The following UTRN variants were observed in gnomAD, a reference collection of about 807,000 sequenced individuals.
The protein encoded by UTRN is dystrophin-related protein 1.
Under a neutral mutation model 463.9 loss-of-function variants are expected in UTRN, and 283 were observed. That is an observed-to-expected ratio of 0.61 (90% CI 0.55 to 0.67). The LOEUF is 0.67. Ranked by LOEUF, UTRN falls within the 30% of genes least tolerant of loss-of-function variation. The pLI is 0.00. For synonymous variants in UTRN, 1,442 were observed against 1,431.5 expected, an observed-to-expected ratio of 1.01 and a Z score of -0.17; for missense variants, 3,922 against 4,084.3, an observed-to-expected ratio of 0.96 and a Z score of 1.08.
At chr6:144,444,763 A>T (rs1398589298) in intron 14 of UTRN, among the ~76,000 whole-genome samples, 3 of 152,238 alleles carry the variant, frequency 2.0e-5, no homozygotes, top group Non-Finnish European at 4.4e-5. Flanking sequence ...TCCACTCAAC[A>T]CACTGTGAAC....
At chr6:144,552,841 G>T (rs1221884122) in intron 48 of UTRN, among the ~76,000 whole-genome samples, 2 of 152,154 alleles carry the variant, frequency 1.3e-5, no homozygotes, top group African/African-American at 2.4e-5. Context: ...ATTAGTAATA[G>T]AATTGGTCAT....
intron 2 of UTRN, among the ~76,000 whole-genome samples, chr6:144,316,158 T>G (rs1456445189): frequency 6.6e-6 from 1 of 152,140 alleles, no homozygotes; most frequent in Non-Finnish European, 1.5e-5. Context: ...GAGACTAGGC[T>G]GGGAAACACA....
At chr6:144,406,573 G>A (rs982902261) in intron 3 of UTRN, among the ~76,000 whole-genome samples, 29 of 152,090 alleles carry the variant, frequency 1.9e-4, no homozygotes, top group African/African-American at 6.7e-4. Flanking sequence ...CACCATGTTG[G>A]CTAGGCTGGT....
At chr6:144,407,345 A>G (rs1397915884) in intron 3 of UTRN, among the ~76,000 whole-genome samples, 1 of 152,186 alleles carries the variant, frequency 6.6e-6, no homozygotes, top group Admixed American at 6.5e-5. Flanking sequence ...GGATGGTTGC[A>G]TTGGAGAGAC....
chr6:144,832,076 T>G (rs1185285574), intron 69 of UTRN, among the ~76,000 whole-genome samples: 2 of 152,224 alleles, frequency 1.3e-5, no homozygotes, highest in African/African-American at 2.4e-5. Context: ...GGTGCAAACC[T>G]ATTATTTTTG....
Position 144,748,255 on chromosome 6 carries a change from C to T in UTRN, c.7949C>T (p.Pro2650Leu), listed in dbSNP as rs1175572559. The change falls in exon 55 of 75, where the codon CCT (proline) becomes CTT (leucine). Residue 2650 changes from proline (P) to leucine (L), a missense_variant. Physicochemically the swap from Pro to Leu is moderately conservative, Grantham distance 98. Around this residue, in one of 3 missense-constraint regions of UTRN, gnomAD observed 1,309 missense variants for 1,452.6 expected, o/e 0.90. Coordinates refer to ENST00000367545, the MANE Select transcript of UTRN (RefSeq NM_007124.3). ...RNLQSKTELTPEERAQKIAKA... is the reference protein window; with the variant it reads ...RNLQSKTELTLEERAQKIAKA... The stretch of plus-strand genomic sequence containing the variant: ...TTTTTTTTAATCACAGAATTAACTC[C>T]TGAGGAGAGAGCCCAAAAGATTGCC... The T allele has an allele frequency of 6.2e-7, 1 of 1,610,362 alleles. No homozygotes were observed. The highest frequency in any genetic ancestry group is 8.5e-7 in the Non-Finnish European group (1 of 1,179,516).
chr6:144,528,555 A>C (rs1308799287), intron 41 of UTRN, among the ~76,000 whole-genome samples: 1 of 152,068 alleles, frequency 6.6e-6, no homozygotes, highest in Non-Finnish European at 1.5e-5. Flanking sequence ...TGCAGTGATT[A>C]TTATTTATCT....
intron 46 of UTRN, among the ~76,000 whole-genome samples, chr6:144,546,587 G>A (rs1387464636): frequency 2.6e-5 from 4 of 152,104 alleles, no homozygotes; most frequent in East Asian, 1.9e-4. Context: ...GATCACTTGA[G>A]CCCAGGAGTT....
intron 3 of UTRN, among the ~76,000 whole-genome samples, chr6:144,414,058 C>T (rs558030600): frequency 6.6e-6 from 1 of 152,114 alleles, no homozygotes; most frequent in African/African-American, 2.4e-5. Flanking sequence ...GCCTTGGCCT[C>T]CCAAAGTGCT....
At chr6:144,310,884 G>A (rs1806205093) in intron 2 of UTRN, among the ~76,000 whole-genome samples, 1 of 152,232 alleles carries the variant, frequency 6.6e-6, no homozygotes, top group Admixed American at 6.5e-5. Flanking sequence ...CTGCATGTCA[G>A]CCTTTGACTG....
chr6:144,318,132 T>C (rs1165370992), intron 2 of UTRN, among the ~76,000 whole-genome samples: 1 of 152,212 alleles, frequency 6.6e-6, no homozygotes, highest in Non-Finnish European at 1.5e-5. Context: ...ACAATAATAC[T>C]GTTAACGATG....
chr6:144,505,447 GT>G (rs1794614656), intron 34 of UTRN, among the ~76,000 whole-genome samples: 1 of 152,136 alleles, frequency 6.6e-6, no homozygotes, highest in African/African-American at 2.4e-5. Flanking sequence ...ATTCTGTTAT[GT>G]TTTGTCTTTG....
intron 2 of UTRN, among the ~76,000 whole-genome samples, chr6:144,382,325 T>G (rs1385552221): frequency 6.6e-6 from 1 of 152,216 alleles, no homozygotes; most frequent in Non-Finnish European, 1.5e-5. Flanking sequence ...GGTAAAGTTT[T>G]TATTATCTTG....
At chr6:144,646,443 A>G (rs1353374114) in intron 51 of UTRN, among the ~76,000 whole-genome samples, 1 of 152,180 alleles carries the variant, frequency 6.6e-6, no homozygotes, top group Non-Finnish European at 1.5e-5. Flanking sequence ...ACAGACAAGC[A>G]ACTAATTAGA....
chr6:144,513,966 C>G lies in UTRN; in HGVS notation c.5002C>G (p.Leu1668Val), dbSNP rs1179398314. 3 of 1,613,980 alleles carry G rather than the reference C, an allele frequency of 1.9e-6. No individual in the cohort carries two copies. Among genetic ancestry groups the G allele is most frequent in the Admixed American group, 3.3e-5 (2 of 60,020 alleles). The change falls in exon 36 of 75, where the codon CTT becomes GTT. Residue 1668 changes from leucine (L) to valine (V), a missense_variant. Physicochemically the swap from Leu to Val is conservative, Grantham distance 32. Transcript: ENST00000367545. The stretch of plus-strand genomic sequence containing the variant: ...GAACGTGGCTCACATAAGTACCTGG[C>G]TTTATCAAGCTGAAGCTCTATTGGA... ...DGNVAHISTWLYQAEALLDEI... is the reference protein window; with the variant it reads ...DGNVAHISTWVYQAEALLDEI...
chr6:144,383,485 C>G (rs1318608160), intron 2 of UTRN, among the ~76,000 whole-genome samples: 3 of 152,204 alleles, frequency 2.0e-5, no homozygotes, highest in Non-Finnish European at 4.4e-5. Flanking sequence ...AAACTGGCAG[C>G]TTCTGTCTTC....
chr6:144,655,593 A>G (rs1779241197), intron 51 of UTRN, among the ~76,000 whole-genome samples: 1 of 152,166 alleles, frequency 6.6e-6, no homozygotes, highest in Non-Finnish European at 1.5e-5. Context: ...TTGACCTTCC[A>G]TATGCTTCAC....
chr6:144,301,692 G>A (rs917662344), intron 2 of UTRN, among the ~76,000 whole-genome samples: 2 of 151,802 alleles, frequency 1.3e-5, no homozygotes, highest in African/African-American at 4.8e-5. Flanking sequence ...CTGCCACCAT[G>A]CTTGGCTACT....
chr6:144,643,695 G>A (rs1333050497), intron 51 of UTRN, among the ~76,000 whole-genome samples: 1 of 151,948 alleles, frequency 6.6e-6, no homozygotes, highest in Non-Finnish European at 1.5e-5. Context: ...TACTTGAGAG[G>A]CTGAGGCAGG....
Sources: allele counts gnomAD v4.1 joint callset (sites outside exome capture counted in the v4.1 genomes callset), GRCh38; gene constraint gnomAD v4.1.1; regional missense constraint gnomAD v4.1.1; transcripts MANE v1.5; gene names NCBI Gene and HGNC (gene_info 2026-07-23, HGNC 2026-07-21).